VWF: variants seen among roughly 807,000 people sequenced by gnomAD.
The protein encoded by VWF is Factor VIII related antigen.
In VWF, 176 loss-of-function variants were observed where a neutral mutation model predicts 308.6. The observed-to-expected ratio is 0.57, with a 90% CI of 0.50 to 0.65. The LOEUF (loss-of-function observed/expected upper bound fraction) is 0.65. Among genes scored for constraint, VWF ranks in the 30% least tolerant of loss-of-function variants. The probability of loss-of-function intolerance (pLI) is 0.00; values close to 1 mark genes in which losing one functional copy is unlikely to be tolerated. For synonymous variants in VWF, 1,385 were observed against 1,443.4 expected, an observed-to-expected ratio of 0.96 and a Z score of 0.92; for missense variants, 3,146 against 3,648.2, an observed-to-expected ratio of 0.86 and a Z score of 3.55.
Position 5,993,978 on chromosome 12 carries a change from G to A in VWF, c.6482C>T (p.Ala2161Val). Residue 2161 changes from alanine (A) to valine (V), a missense_variant, in exon 37 of 52, where the codon GCC (alanine) becomes GTC (valine). Ala to Val is a moderately conservative substitution (Grantham distance 64). Around this residue, in one of 3 missense-constraint regions of VWF, gnomAD observed 989 missense variants for 1,117.4 expected, o/e 0.89. Transcript: ENST00000261405. ...HKVLAPATFY[A>V]ICQQDSCHQE... is the part of the protein sequence containing the mutation. The stretch of plus-strand genomic sequence containing the variant: ...GTGGCAACTGTCCTGCTGGCAGATG[G>A]CATAGAATGTGGCTGGAGCCAGGAC... The A allele has an allele frequency of 6.2e-7, 1 of 1,614,132 alleles. No homozygotes were observed. The highest frequency in any genetic ancestry group is 1.6e-4 in the Middle Eastern group (1 of 6,062).
rs562236442 is a variant in VWF, at chr12:6,005,027, A to G, written c.5842+6590T>C. Among the ~76,000 whole-genome samples, 23 of 152,324 alleles carry G rather than the reference A, an allele frequency of 1.5e-4. No individual in the cohort carries two copies. The East Asian group carries it at 4.4e-3, about 29-fold the overall frequency. On this transcript the variant is annotated intron_variant, in intron 34 of 51. Transcript: ENST00000261405. The stretch of plus-strand genomic sequence containing the variant: ...GTATAAATTTAATGCAATTCCAATA[A>G]AAATACCAACAAACTTTTTATGGAG...
At chr12:6,121,128 A>T in intron 3 of VWF, 46 bp downstream of exon 3, 1 of 1,611,762 alleles carries the variant, frequency 6.2e-7, no homozygotes, top group Non-Finnish European at 8.5e-7. Context: ...GGCTAAGCTC[A>T]GCCAGCCCTC....
chr12:5,966,069 C>A (rs1943399018), intron 47 of VWF, among the ~76,000 whole-genome samples: 2 of 152,166 alleles, frequency 1.3e-5, no homozygotes, highest in African/African-American at 4.8e-5. Context: ...GAGGGCACTG[C>A]AGGGAGTGAG....
intron 51 of VWF, 99 bp downstream of exon 51, chr12:5,949,687 C>A (rs1019651723): frequency 5.5e-6 from 7 of 1,266,622 alleles, no homozygotes; most frequent in Admixed American, 3.4e-5. Flanking sequence ...CTCTTCCCTG[C>A]GAATTTTCCA....
At chr12:5,951,739 G>T (rs1943192974) in intron 50 of VWF, 105 bp downstream of exon 50, 1 of 1,251,992 alleles carries the variant, frequency 8.0e-7, no homozygotes, top group Admixed American at 1.7e-5. Flanking sequence ...TTACTCCAAA[G>T]AACAGTCATG....
intron 28 of VWF, 30 bp downstream of exon 28, chr12:6,018,335 C>G (rs1263115309): frequency 6.3e-7 from 1 of 1,599,736 alleles, no homozygotes; most frequent in Non-Finnish European, 8.5e-7. Flanking sequence ...TCGCCCAGCC[C>G]TCCCACCTGC....
rs766258519 is a variant in VWF, at chr12:6,031,440, T to C, written c.2820+4A>G. On this transcript the variant is annotated splice_donor_region_variant and intron_variant, in intron 21 of 51. Coordinates refer to ENST00000261405, the MANE Select transcript of VWF (RefSeq NM_000552.5). ...CATGAGGGTGGAGATGAGGCTGCAC[T>C]TACCTCCCCGTCAAACAGCTCAATC... 1.9e-6 allele frequency: 3 copies of C among 1,614,130 alleles called. No individual in the cohort carries two copies. Among genetic ancestry groups the C allele is most frequent in the Non-Finnish European group, 2.5e-6 (3 of 1,180,026 alleles).
At chr12:6,073,175 A>G (rs779997801) in intron 8 of VWF, among the ~76,000 whole-genome samples, 8 of 152,164 alleles carry the variant, frequency 5.3e-5, no homozygotes, top group South Asian at 2.1e-4. Context: ...CCTTGCTCTC[A>G]GTAATTAAAC....
chr12:6,003,867 G>A (rs1383870183), intron 34 of VWF, among the ~76,000 whole-genome samples: 2 of 147,490 alleles, frequency 1.4e-5, no homozygotes, highest in African/African-American at 2.5e-5. Context: ...CCAGGCTGGA[G>A]TGCAGTGGCA....
intron 31 of VWF, among the ~76,000 whole-genome samples, chr12:6,014,164 G>A (rs1357204757): frequency 1.3e-5 from 2 of 152,058 alleles, no homozygotes; most frequent in Non-Finnish European, 1.5e-5. Context: ...AAAGGCCCCA[G>A]AGCAGAAATG....
At chr12:6,009,355 GATC>G (rs1943966686) in intron 34 of VWF, among the ~76,000 whole-genome samples, 1 of 150,986 alleles carries the variant, frequency 6.6e-6, no homozygotes, top group African/African-American at 2.4e-5. Context: ...CAACATTACT[GATC>G]ATCAGGGAAA....
At chr12:6,090,729 G>C (rs1945025382) in intron 6 of VWF, among the ~76,000 whole-genome samples, 1 of 152,046 alleles carries the variant, frequency 6.6e-6, no homozygotes, top group African/African-American at 2.4e-5. Flanking sequence ...CCTTTTCAGT[G>C]ACCCAGCAGG....
chr12:6,012,915 A>G (rs1202420689), intron 32 of VWF, among the ~76,000 whole-genome samples: 1 of 151,892 alleles, frequency 6.6e-6, no homozygotes, highest in African/African-American at 2.4e-5. Flanking sequence ...GTTAGCCAAG[A>G]TGGTCTCGAT....
chr12:6,068,134 CAAAAAA>C, intron 10 of VWF, among the ~76,000 whole-genome samples: 1 of 57,788 alleles, frequency 1.7e-5, no homozygotes, highest in Admixed American at 1.8e-4. Context: ...AACTCTGTCT[CAAAAAA>C]AAAAAAAAAA....
intron 34 of VWF, among the ~76,000 whole-genome samples, chr12:6,007,273 T>C (rs1943940099): frequency 1.3e-5 from 2 of 152,184 alleles, no homozygotes; most frequent in African/African-American, 4.8e-5. Context: ...CAGCAAATTA[T>C]ACATTCTTCT....
chr12:6,072,719 T>C (rs1015343742), intron 8 of VWF, among the ~76,000 whole-genome samples: 3 of 152,184 alleles, frequency 2.0e-5, no homozygotes, highest in African/African-American at 7.2e-5. Context: ...AGCTCAAGAA[T>C]GTGTGTGCTG....
intron 46 of VWF, among the ~76,000 whole-genome samples, chr12:5,967,904 G>T (rs1045834513): frequency 6.6e-6 from 1 of 152,232 alleles, no homozygotes; most frequent in African/African-American, 2.4e-5. Flanking sequence ...GGTGCCTGAG[G>T]TGGGGGCCAG....
intron 32 of VWF, among the ~76,000 whole-genome samples, chr12:6,013,076 G>A (rs116644162): frequency 0.011 from 1,732 of 152,208 alleles, 26 homozygotes; most frequent in African/African-American, 0.04. Flanking sequence ...CCGTGTTATC[G>A]TATTTCTAAA....
chr12:6,103,635 C>G (rs1351045267), intron 5 of VWF, among the ~76,000 whole-genome samples: 1 of 150,372 alleles, frequency 6.7e-6, no homozygotes, highest in Non-Finnish European at 1.5e-5. Flanking sequence ...TGATATTTGA[C>G]AAAGCTGACA....
Sources: allele counts gnomAD v4.1 joint callset (sites outside exome capture counted in the v4.1 genomes callset), GRCh38; gene constraint gnomAD v4.1.1; regional missense constraint gnomAD v4.1.1; transcripts MANE v1.5; gene names NCBI Gene and HGNC (gene_info 2026-07-23, HGNC 2026-07-21).